Variants in DCDC1 observed in about 807,000 individuals in gnomAD.
The protein encoded by DCDC1 is doublecortin domain containing 1, also known as doublecortin domain-containing protein 1.
In DCDC1, 200 loss-of-function variants were observed where a neutral mutation model predicts 178.3. That is an observed-to-expected ratio of 1.12 (90% CI 1.00 to 1.26). DCDC1 has a LOEUF of 1.26. Ranked by LOEUF, DCDC1 falls within the 50% of genes most tolerant of loss-of-function variation. The probability of loss-of-function intolerance (pLI) is 0.00; values close to 1 mark genes in which losing one functional copy is unlikely to be tolerated. For missense variants in DCDC1, 1,983 were observed against 1,749.2 expected (o/e 1.13, Z -2.38); for synonymous variants, 690 against 604.8 (o/e 1.14, Z -2.07).
intron 2 of DCDC1, among the ~76,000 whole-genome samples, chr11:31,333,450 G>A (rs1430293127): frequency 6.6e-6 from 1 of 152,134 alleles, no homozygotes; most frequent in East Asian, 1.9e-4. Context: ...TTGCCCATTA[G>A]TTGCTGCAGT....
chr11:31,015,327 C>T (rs1952428608), intron 20 of DCDC1, among the ~76,000 whole-genome samples: 1 of 152,166 alleles, frequency 6.6e-6, no homozygotes, highest in African/African-American at 2.4e-5. Context: ...GTTAAGTCCT[C>T]TTCTTATTGT....
intron 36 of DCDC1, among the ~76,000 whole-genome samples, chr11:30,892,340 T>C (rs2134052438): frequency 6.6e-6 from 1 of 152,238 alleles, no homozygotes; most frequent in Non-Finnish European, 1.5e-5. Flanking sequence ...TACCACTGTT[T>C]TTCTTAGACA....
chr11:31,273,064 C>A (rs1296547350), intron 7 of DCDC1, among the ~76,000 whole-genome samples: 1 of 152,148 alleles, frequency 6.6e-6, no homozygotes, highest in African/African-American at 2.4e-5. Context: ...GGACCCTGGG[C>A]CCGGCCCACG....
intron 3 of DCDC1, among the ~76,000 whole-genome samples, chr11:31,308,827 G>A (rs1487936868): frequency 6.6e-6 from 1 of 152,116 alleles, no homozygotes; most frequent in Non-Finnish European, 1.5e-5. Context: ...AGGATAGTCA[G>A]GTTCCATGTA....
intron 7 of DCDC1, chr11:31,280,707 C>A: frequency 1.7e-6 from 1 of 572,918 alleles, no homozygotes; most frequent in South Asian, 1.5e-5. Context: ...GCTAACAAGT[C>A]TGCCCTTTCT....
At chr11:31,137,496 C>T (rs1191634187) in intron 10 of DCDC1, among the ~76,000 whole-genome samples, 196 bp downstream of exon 10, 1 of 151,878 alleles carries the variant, frequency 6.6e-6, no homozygotes, top group Non-Finnish European at 1.5e-5. Context: ...ATTACAGGCG[C>T]CCGCCACCAC....
At chr11:31,120,851 T>G (rs139227276) in intron 11 of DCDC1, among the ~76,000 whole-genome samples, 1 of 152,152 alleles carries the variant, frequency 6.6e-6, no homozygotes, top group African/African-American at 2.4e-5. Flanking sequence ...GCTAATACCC[T>G]TTCCCAGCAA....
chr11:30,977,534 C>A (rs1950168070), intron 20 of DCDC1, among the ~76,000 whole-genome samples: 1 of 152,100 alleles, frequency 6.6e-6, no homozygotes, highest in African/African-American at 2.4e-5. Flanking sequence ...TATGTTTCTT[C>A]TAGTTTTTAA....
At chr11:30,906,410 G>T in intron 30 of DCDC1, 130 bp downstream of exon 30, 1 of 901,474 alleles carries the variant, frequency 1.1e-6, no homozygotes, top group Non-Finnish European at 1.6e-6. Flanking sequence ...AGGTAGAATG[G>T]TAAAGGTGCA....
chr11:31,127,710 G>C (rs1165169951), intron 10 of DCDC1, 71 bp from the exon 11 acceptor site: 1 of 656,456 alleles, frequency 1.5e-6, no homozygotes. Flanking sequence ...AGATTTTTGA[G>C]TACCTAGCTT....
intron 3 of DCDC1, 115 bp from the exon 4 acceptor site, chr11:31,308,023 G>C (rs1948566982): frequency 2.9e-6 from 4 of 1,374,006 alleles, no homozygotes; most frequent in Non-Finnish European, 3.9e-6. Context: ...TACACACTTA[G>C]CCATTATTTT....
chr11:31,258,570 G>A (rs909491541), intron 8 of DCDC1, among the ~76,000 whole-genome samples: 1 of 152,152 alleles, frequency 6.6e-6, no homozygotes, highest in African/African-American at 2.4e-5. Flanking sequence ...GTGCCTGACA[G>A]AAACATTAAC....
rs1952097191 is a variant in DCDC1 at position 31,010,325 on chromosome 11, C to T, written c.2591+54144G>A. 4.6e-5 allele frequency among the ~76,000 whole-genome samples: 7 copies of T among 152,334 alleles called. No homozygotes were observed. In the South Asian group the frequency reaches 1.4e-3, roughly 32 times the overall value. ...CAACTGGGAAGAATTCACTTCCAAGCTCCCTCAGGTTGTTAGGAGAACTCA... is the reference window on the plus strand; with the variant it reads ...CAACTGGGAAGAATTCACTTCCAAGTTCCCTCAGGTTGTTAGGAGAACTCA... On this transcript the variant is annotated intron_variant, in intron 20 of 38. Transcript: ENST00000684477.
intron 20 of DCDC1, among the ~76,000 whole-genome samples, chr11:31,026,529 T>A (rs1283315104): frequency 6.6e-6 from 1 of 151,846 alleles, no homozygotes; most frequent in East Asian, 1.9e-4. Flanking sequence ...AATTAATTTG[T>A]CTGTATGAGA....
intron 9 of DCDC1, among the ~76,000 whole-genome samples, chr11:31,180,060 C>A (rs138348813): frequency 1.3e-5 from 2 of 152,230 alleles, no homozygotes; most frequent in African/African-American, 4.8e-5. Context: ...ACAGAAAAAG[C>A]ATTTGGTAAA....
intron 20 of DCDC1, among the ~76,000 whole-genome samples, chr11:31,029,564 A>G (rs918197392): frequency 6.6e-6 from 1 of 152,060 alleles, no homozygotes; most frequent in Non-Finnish European, 1.5e-5. Context: ...TTATTTTAGC[A>G]AACAAATATT....
At position 30,915,687 on chromosome 11, in the gene DCDC1, C is replaced by T. The variant is rs137895244; in HGVS notation, c.3477G>A (p.Leu1159=). Reference sequence around the variant, plus strand: ...CGAACTGCTGATGACAATGCTTGTGCAATTTACTATGCTTTGGTGAACAGC... The same window carrying T: ...CGAACTGCTGATGACAATGCTTGTGTAATTTACTATGCTTTGGTGAACAGC... The part of the protein sequence containing the change: ...KHSCSPKHSK[L]HKHCHQQFEY... The change falls in exon 27 of 39, where the codon TTG becomes TTA. Residue 1159 remains leucine (L), a synonymous_variant. Coordinates refer to ENST00000684477, the MANE Select transcript of DCDC1 (RefSeq NM_001387274.1). 232 of 1,613,664 alleles carry T rather than the reference C, an allele frequency of 1.4e-4. 1 individual carries two copies. The African/African-American group carries it at 2.8e-3, about 19-fold the overall frequency.
At chr11:31,008,789 A>C (rs1952000283) in intron 20 of DCDC1, among the ~76,000 whole-genome samples, 1 of 152,206 alleles carries the variant, frequency 6.6e-6, no homozygotes, top group Non-Finnish European at 1.5e-5. Context: ...GACTGATTCT[A>C]CATGTTTTAA....
intron 20 of DCDC1, among the ~76,000 whole-genome samples, chr11:30,972,989 C>T (rs779073350): frequency 6.6e-6 from 1 of 151,828 alleles, no homozygotes; most frequent in Non-Finnish European, 1.5e-5. Flanking sequence ...TATGTAGCAC[C>T]GGCCAGGCGT....
Sources: allele counts gnomAD v4.1 joint callset (sites outside exome capture counted in the v4.1 genomes callset), GRCh38; gene constraint gnomAD v4.1.1; transcripts MANE v1.5; gene names NCBI Gene and HGNC (gene_info 2026-07-23, HGNC 2026-07-21).